The following KIF19 variants were observed in gnomAD, a reference collection of about 807,000 sequenced individuals.
The protein encoded by KIF19 is kinesin family member 19, also known as kinesin-like protein KIF19.
In KIF19, 98 loss-of-function variants were observed where a neutral mutation model predicts 106.6. The observed-to-expected ratio is 0.92, with a 90% CI of 0.78 to 1.09. The LOEUF (loss-of-function observed/expected upper bound fraction) is 1.09, where lower values mean the gene tolerates loss of function less well. Among genes scored for constraint, KIF19 ranks in the 50% least tolerant of loss-of-function variants. The pLI is 0.00. For missense variants in KIF19, 1,373 were observed against 1,414.3 expected, an observed-to-expected ratio of 0.97 and a Z score of 0.47; for synonymous variants, 516 against 584.2, an observed-to-expected ratio of 0.88 and a Z score of 1.68.
chr17:74,329,129 G>T (rs1009051930), intron 2 of KIF19: 1 of 152,324 alleles, frequency 6.6e-6, no homozygotes, highest in Non-Finnish European at 1.5e-5. Context: ...TTAGTGGCAT[G>T]AGAGTAGGTA....
In KIF19 at chr17:74,351,990, G is replaced by T. The variant is rs990167858; in HGVS notation, c.1711G>T (p.Glu571Ter). The T allele has an allele frequency of 5.8e-6, 9 of 1,539,876 alleles. No homozygotes were observed. The African/African-American group carries it at 9.6e-5, about 17-fold the overall frequency. ...EVLSLLCRVH[E>*]LEVENTEMQS... The stretch of plus-strand genomic sequence containing the variant: ...GCTCAGCCTGCTGTGCCGCGTGCAC[G>T]AGCTCGAGGTGGAGAACACCGAGAT... The change falls in exon 13 of 20, where the codon GAG (glutamate) becomes TAG (stop). Residue 571 changes from glutamate to a stop codon, truncating the protein, a stop_gained. Coordinates refer to ENST00000389916, the MANE Select transcript of KIF19 (RefSeq NM_153209.4). LOFTEE classifies it high-confidence loss of function.
At position 74,350,529 on chromosome 17, in the gene KIF19, A is replaced by G. The variant is rs1262872241; in HGVS notation, c.1342A>G (p.Met448Val). 6 of 1,612,930 alleles carry G rather than the reference A, an allele frequency of 3.7e-6. No homozygotes were observed. The highest frequency in any genetic ancestry group is 1.7e-5 in the Admixed American group (1 of 60,014). Residue 448 changes from methionine to valine, a missense_variant, in exon 11 of 20, where the codon ATG becomes GTG. This residue lies in a region of KIF19 where 1,020 missense variants were observed against 1,008.2 expected (regional missense o/e 1.01). Coordinates refer to ENST00000389916, the MANE Select transcript of KIF19 (RefSeq NM_153209.4). The part of the protein sequence containing the change: ...RRLLELENRA[M>V]EVQIDTSRHL... ...CCTGCTGGAGCTGGAGAACCGCGCC[A>G]TGGAGGTCCAGATTGACACCTCCCG...
chr17:74,351,810 G>A (rs745353206), intron 12 of KIF19, 57 bp from the exon 13 acceptor site: 54 of 1,367,314 alleles, frequency 3.9e-5, no homozygotes, highest in Non-Finnish European at 4.7e-5. Context: ...GGACGAGCTG[G>A]GCAGGCGGAT....
At chr17:74,353,663 G>A in intron 17 of KIF19, 82 bp downstream of exon 17, 4 of 1,159,838 alleles carry the variant, frequency 3.4e-6, no homozygotes, top group Non-Finnish European at 5.1e-6. Flanking sequence ...GCCCTTTCCT[G>A]CCCTCTGCAC....
At position 74,341,937 on chromosome 17, in the gene KIF19, G is replaced by A. The variant is rs781685907; in HGVS notation, c.182G>A (p.Arg61Gln). 1.4e-5 allele frequency: 22 copies of A among 1,613,514 alleles called. No homozygotes were observed. The highest frequency in any genetic ancestry group is 8.9e-5 in the East Asian group (4 of 44,862). Residue 61 changes from arginine to glutamine, a missense_variant, in exon 3 of 20, where the codon CGG (arginine) becomes CAG (glutamine). Physicochemically the swap from Arg to Gln is conservative, Grantham distance 43. Coordinates refer to ENST00000389916, the MANE Select transcript of KIF19 (RefSeq NM_153209.4). ...GACATCCTGCGGGCGCATCGCTCCC[G>A]GGAGAAGTCCTACCTGTTCGACGTG... ...PDDILRAHRS[R>Q]EKSYLFDVAF...
Position 74,344,843 on chromosome 17 carries a change from C to A in KIF19, c.665C>A (p.Ala222Glu). The A allele has an allele frequency of 6.2e-7, 1 of 1,612,840 alleles. No individual in the cohort carries two copies. The highest frequency in any genetic ancestry group is 8.5e-7 in the Non-Finnish European group (1 of 1,179,798). Reference protein sequence around the residue: ...AANQTSSRSHAVLQVTVRQRS... With the variant: ...AANQTSSRSHEVLQVTVRQRS... ...AACCAGACGTCCTCCCGCTCCCACG[C>A]GGTACTGCAGGTGACCGTGCGCCAG... is the stretch of plus-strand genomic sequence containing the variant. The change falls in exon 7 of 20, where the codon GCG (alanine) becomes GAG (glutamate). Residue 222 changes from alanine to glutamate, a missense_variant. Ala to Glu is a moderately radical substitution (Grantham distance 107). This residue lies in a region of KIF19 where 348 missense variants were observed against 389.5 expected (regional missense o/e 0.89). Coordinates refer to ENST00000389916, the MANE Select transcript of KIF19 (RefSeq NM_153209.4).
chr17:74,347,713 A>G, intron 8 of KIF19, 64 bp from the exon 9 acceptor site: 1 of 1,549,318 alleles, frequency 6.5e-7, no homozygotes, highest in Non-Finnish European at 8.7e-7. Context: ...GGCATCGTGA[A>G]CAGCCTGGCA....
At chr17:74,344,998 C>T in intron 7 of KIF19, 43 bp downstream of exon 7, 1 of 1,538,586 alleles carries the variant, frequency 6.5e-7, no homozygotes, top group Non-Finnish European at 8.8e-7. Context: ...GAGGGTTGAC[C>T]CAGGCAACAG....
chr17:74,337,194 G>T (rs2054240178), intron 2 of KIF19, among the ~76,000 whole-genome samples: 1 of 152,166 alleles, frequency 6.6e-6, no homozygotes, highest in Middle Eastern at 3.2e-3. Flanking sequence ...ACCATGCCTG[G>T]CACAATCACC....
At chr17:74,343,916 A>G (rs534460085) in intron 5 of KIF19, among the ~76,000 whole-genome samples, 5 of 152,222 alleles carry the variant, frequency 3.3e-5, no homozygotes, top group Admixed American at 2.6e-4. Flanking sequence ...TAAGTGAGGG[A>G]ATGGGGATTC....
At chr17:74,352,432 C>T in intron 14 of KIF19, 92 bp downstream of exon 14, 1 of 1,442,562 alleles carries the variant, frequency 6.9e-7, no homozygotes, top group Non-Finnish European at 9.2e-7. Flanking sequence ...CTGGAGGGGA[C>T]AGGACCAGGC....
In KIF19 at chr17:74,350,393, A is replaced by G; in HGVS notation, c.1214-8A>G. The G allele has an allele frequency of 6.3e-7, 1 of 1,583,928 alleles. No homozygotes were observed. Among genetic ancestry groups the G allele is most frequent in the Non-Finnish European group, 8.6e-7 (1 of 1,165,934 alleles). On this transcript the variant is annotated splice_region_variant and splice_polypyrimidine_tract_variant and intron_variant, in intron 10 of 19. Coordinates refer to ENST00000389916, the MANE Select transcript of KIF19 (RefSeq NM_153209.4). ...TCCTCTACCTTGCCCACCCTCACCCATCGGCAGCTGAGGTCCAGCTGCACA... is the reference window on the plus strand; with the variant it reads ...TCCTCTACCTTGCCCACCCTCACCCGTCGGCAGCTGAGGTCCAGCTGCACA...
chr17:74,344,189 C>A (rs949345151), intron 5 of KIF19, 34 bp from the exon 6 acceptor site: 2 of 1,592,032 alleles, frequency 1.3e-6, no homozygotes, highest in Admixed American at 3.6e-5. Context: ...CCTTAGTCTC[C>A]CTTCCCCCAC....
In KIF19 at chr17:74,344,349, G is replaced by A; in HGVS notation, c.582+1G>A. The A allele has an allele frequency of 6.2e-7, 1 of 1,612,010 alleles. No individual in the cohort carries two copies. Among genetic ancestry groups the A allele is most frequent in the Non-Finnish European group, 8.5e-7 (1 of 1,179,534 alleles). Reference sequence around the variant, plus strand: ...AGTCTCCACCATCAATGCCAAGGAGGCGAGTTTTGTGTGGCCAGCCTGGAG... The same window carrying A: ...AGTCTCCACCATCAATGCCAAGGAGACGAGTTTTGTGTGGCCAGCCTGGAG... On this transcript the variant is annotated splice_donor_variant, in intron 6 of 19. Coordinates refer to ENST00000389916, the MANE Select transcript of KIF19 (RefSeq NM_153209.4). LOFTEE classifies it high-confidence loss of function.
At chr17:74,341,013 T>C (rs1405372536) in intron 2 of KIF19, among the ~76,000 whole-genome samples, 1 of 152,206 alleles carries the variant, frequency 6.6e-6, no homozygotes, top group Admixed American at 6.5e-5. Context: ...TAGCTGGCCT[T>C]AGCCTGGGGT....
chr17:74,343,308 G>A, intron 5 of KIF19, 148 bp downstream of exon 5: 2 of 820,600 alleles, frequency 2.4e-6, no homozygotes, highest in Non-Finnish European at 3.7e-6. Context: ...CATCAGAGAG[G>A]TTAGGCAACT....
chr17:74,331,534 A>G lies in KIF19; in HGVS notation c.120+3029A>G, dbSNP rs1282537099. ...AGGCGGAGAGTCCTCTGGGACAGGA[A>G]CCCAGGGTGCTTGGATTCTGGGGAA... On this transcript the variant is annotated intron_variant, in intron 2 of 19. Transcript: ENST00000389916. The surrounding 1 kb of genome is among the most constrained non-coding windows in gnomAD (Gnocchi z 4.1). 6.6e-6 allele frequency among the ~76,000 whole-genome samples: 1 copy of G among 151,578 alleles called. No homozygotes were observed. Among genetic ancestry groups the G allele is most frequent in the Non-Finnish European group, 1.5e-5 (1 of 67,924 alleles).
intron 2 of KIF19, among the ~76,000 whole-genome samples, chr17:74,336,643 A>G (rs1162032864): frequency 6.6e-6 from 1 of 152,294 alleles, no homozygotes; most frequent in Middle Eastern, 3.4e-3. Flanking sequence ...CCCCCCAGCC[A>G]GGCAGCTGTT....
chr17:74,347,183 G>A lies in KIF19; in HGVS notation c.925-594G>A, dbSNP rs531147381. Among the ~76,000 whole-genome samples the A allele has an allele frequency of 2.0e-5, 3 of 152,252 alleles. No individual in the cohort carries two copies. In the South Asian group the frequency reaches 6.2e-4, roughly 32 times the overall value. On this transcript the variant is annotated intron_variant, in intron 8 of 19. Coordinates refer to ENST00000389916, the MANE Select transcript of KIF19 (RefSeq NM_153209.4). ...TTACTTAACATTGCCAGCAGCTGCC[G>A]TCATGACTGCACCTAGAAGCCGGGG...
Sources: gnomAD v4.1 joint callset for allele counts (sites outside exome capture counted in the v4.1 genomes callset) on GRCh38, gnomAD v4.1.1 for gene constraint, gnomAD v4.1.1 regional missense constraint, Gnocchi (gnomAD v3.1) non-coding constraint, MANE v1.5 for transcripts, NCBI Gene and HGNC (gene_info 2026-07-23, HGNC 2026-07-21) for gene names.